SURF4: variants seen among roughly 807,000 people sequenced by gnomAD.
The protein encoded by SURF4 is surfeit locus protein 4.
A neutral mutation model predicts 30.0 loss-of-function variants in SURF4; 3 were observed. That is an observed-to-expected ratio of 0.10 (90% CI 0.05 to 0.26). SURF4 has a LOEUF of 0.26. SURF4 is among the 10% of genes least tolerant of loss of function. SURF4 has a pLI of 1.00. For synonymous variants in SURF4, 143 were observed against 139.9 expected, an observed-to-expected ratio of 1.02 and a Z score of -0.16; for missense variants, 217 against 350.8, an observed-to-expected ratio of 0.62 and a Z score of 3.05.
rs71824689 is a variant in SURF4, at chr9:133,373,909, C to CAAAAAAAAAAAAAA, written c.48+1999_48+2012dup. On this transcript the variant is annotated intron_variant, in intron 1 of 5. Transcript: ENST00000371989. ...CTCCAGCCTGAGCGAAATTCTGTCT[C>CAAAAAAAAAAAAAA]AAAAAAAAAAAAAAAAAAAAAAAAA... is the stretch of plus-strand genomic sequence containing the variant. Among the ~76,000 whole-genome samples, 178 of 47,546 alleles carry CAAAAAAAAAAAAAA rather than the reference C, an allele frequency of 3.7e-3. 9 individuals are homozygous for CAAAAAAAAAAAAAA. The highest frequency in any genetic ancestry group is 6.2e-3 in the Non-Finnish European group (128 of 20,646). 31.2% of individuals were successfully genotyped at this position (47,546 alleles called of 152,430 possible).
Position 133,362,100 on chromosome 9 carries a change from T to C in SURF4, c.*1393A>G, listed in dbSNP as rs1376088412. The C allele has an allele frequency of 1.3e-5, 2 of 152,218 alleles. No homozygotes were observed. The highest frequency in any genetic ancestry group is 2.9e-5 in the Non-Finnish European group (2 of 68,046). 9.4% of individuals were successfully genotyped at this position (152,218 alleles called of 1,614,324 possible). On this transcript the variant is annotated 3_prime_UTR_variant, in exon 6 of 6. Transcript: ENST00000371989. ...AAAGGTAGGTGACTTCCAAAAGCAC[T>C]TATGAGCAGAAACCTGCCTCACCCC... is the stretch of plus-strand genomic sequence containing the variant.
Position 133,361,521 on chromosome 9 carries a change from C to A in SURF4, c.*1972G>T. 1 of 171,650 alleles carries A rather than the reference C, an allele frequency of 5.8e-6. No individual in the cohort carries two copies. Among genetic ancestry groups the A allele is most frequent in the Non-Finnish European group, 1.3e-5 (1 of 78,724 alleles). The allele number at this position is 171,650 out of a possible 1,614,324, so 10.6% of individuals were successfully genotyped here. On this transcript the variant is annotated 3_prime_UTR_variant, in exon 6 of 6. Transcript: ENST00000371989. ...TTCCAAAAATCAAAACGTTTTCAAA[C>A]ACAACTAAGATATAAAATACAGCAT...
chr9:133,370,796 C>T (rs56343119), intron 1 of SURF4: 1 of 1,097,908 alleles, frequency 9.1e-7, no homozygotes, highest in Non-Finnish European at 1.2e-6. Context: ...CCCCTCCCCC[C>T]CATTAGAGAA....
intron 1 of SURF4, chr9:133,372,481 C>G (rs1381816720): frequency 1.6e-6 from 1 of 617,914 alleles, no homozygotes. Flanking sequence ...CTCCTACAGT[C>G]AAGAAGTTCA....
Position 133,376,006 on chromosome 9 carries a change from G to C in SURF4, c.-37C>G, listed in dbSNP as rs1837900211. 2 of 1,219,974 alleles carry C rather than the reference G, an allele frequency of 1.6e-6. No individual in the cohort carries two copies. Among genetic ancestry groups the C allele is most frequent in the Non-Finnish European group, 2.0e-6 (2 of 978,748 alleles). The allele number at this position is 1,219,974 out of a possible 1,614,324, so 75.6% of individuals were successfully genotyped here. On this transcript the variant is annotated 5_prime_UTR_variant, in exon 1 of 6. Transcript: ENST00000371989. ...GAGGCTCGGCTCGGCTCGCTCGCTC[G>C]CTCGCTGGCTCTCGCCCGTCGGCGC...
At chr9:133,376,305 G>A (rs1392043269), upstream of SURF4, 1 of 1,340,248 alleles carries the variant, frequency 7.5e-7, no homozygotes, top group Non-Finnish European at 9.5e-7. Context: ...CCGGCGGAAC[G>A]CGTCCCTTTT....
chr9:133,369,854 C>G (rs2130173595), intron 1 of SURF4, among the ~76,000 whole-genome samples: 5 of 152,198 alleles, frequency 3.3e-5, no homozygotes, highest in Non-Finnish European at 7.3e-5. Context: ...TGGGGAAAAG[C>G]AACCACTGGG....
chr9:133,364,037 A>C, intron 5 of SURF4: 1 of 676,952 alleles, frequency 1.5e-6, no homozygotes. Flanking sequence ...ATCCATAACT[A>C]AATTCCCAAG....
At position 133,361,654 on chromosome 9, in the gene SURF4, T is replaced by C. The variant is rs1431450804; in HGVS notation, c.*1839A>G. On this transcript the variant is annotated 3_prime_UTR_variant, in exon 6 of 6. Transcript: ENST00000371989. ...TTATCCTCCCCTCCCTGCAAAGGCATCTTCCCGAATCAGGCCCTAGCCCAC... is the reference window on the plus strand; with the variant it reads ...TTATCCTCCCCTCCCTGCAAAGGCACCTTCCCGAATCAGGCCCTAGCCCAC... 6.4e-6 allele frequency: 1 copy of C among 155,680 alleles called. No homozygotes were observed. Among genetic ancestry groups the C allele is most frequent in the Non-Finnish European group, 1.4e-5 (1 of 70,274 alleles). The allele number at this position is 155,680 out of a possible 1,614,324, so 9.6% of individuals were successfully genotyped here.
rs145124353 is a variant in SURF4 at position 133,364,429 on chromosome 9, G to A, written c.543+411C>T. Among the ~76,000 whole-genome samples, 443 of 152,278 alleles carry A rather than the reference G, an allele frequency of 2.9e-3. 3 individuals are homozygous for A. Among genetic ancestry groups the A allele is most frequent in the Non-Finnish European group, 4.6e-3 (310 of 68,026 alleles). ...TGCTCCGCCGAGCACGGTGGCTCACGCCTGTAATCCCAGCAATTTGGGAGG... is the reference window on the plus strand; with the variant it reads ...TGCTCCGCCGAGCACGGTGGCTCACACCTGTAATCCCAGCAATTTGGGAGG... On this transcript the variant is annotated intron_variant, in intron 5 of 5. Coordinates refer to ENST00000371989, the MANE Select transcript of SURF4 (RefSeq NM_033161.4).
chr9:133,376,352 C>T, upstream of SURF4: 2 of 1,380,636 alleles, frequency 1.4e-6, no homozygotes, highest in South Asian at 1.5e-5. Context: ...GGCCAGCGCG[C>T]GGGAGGGACG....
In SURF4 at chr9:133,363,571, C is replaced by T. The variant is rs2130088462; in HGVS notation, c.732G>A (p.Ser244=). 28 of 1,614,170 alleles carry T rather than the reference C, an allele frequency of 1.7e-5. No homozygotes were observed. In the South Asian group the frequency reaches 2.5e-4, roughly 15 times the overall value. The change falls in exon 6 of 6, where the codon TCG becomes TCA. Residue 244 remains serine, a synonymous_variant. Coordinates refer to ENST00000371989, the MANE Select transcript of SURF4 (RefSeq NM_033161.4). The surrounding 1 kb of genome is among the most constrained non-coding windows in gnomAD (Gnocchi z 4.3). ...FLKYDFFQTM[S]VIGGLLLVVA... ...CCACCAGGAGCAAGCCCCCAATCAC[C>T]GACATGGTCTGGAAGAAGTCGTATT...
intron 1 of SURF4, among the ~76,000 whole-genome samples, chr9:133,373,052 C>T (rs1479659981): frequency 6.6e-6 from 1 of 152,232 alleles, no homozygotes; most frequent in African/African-American, 2.4e-5. Context: ...GGTCCTAACC[C>T]ACTTGGGTTT....
chr9:133,366,043 G>T lies in SURF4; in HGVS notation c.313-15C>A, dbSNP rs2130122845. The T allele has an allele frequency of 2.5e-6, 4 of 1,613,434 alleles. No homozygotes were observed. The highest frequency in any genetic ancestry group is 3.3e-5 in the Admixed American group (2 of 60,002). On this transcript the variant is annotated splice_polypyrimidine_tract_variant and intron_variant, in intron 3 of 5. Transcript: ENST00000371989. Reference sequence around the variant, plus strand: ...TAGGCAATCGTCTGAGGGGAAAGAAGAGAGAGATACTTGAGTCTCAGCCTT... The same window carrying T: ...TAGGCAATCGTCTGAGGGGAAAGAATAGAGAGATACTTGAGTCTCAGCCTT...
Position 133,363,888 on chromosome 9 carries a change from G to T in SURF4, c.544-129C>A. 1 of 1,177,006 alleles carries T rather than the reference G, an allele frequency of 8.5e-7. No individual in the cohort carries two copies. Among genetic ancestry groups the T allele is most frequent in the Non-Finnish European group, 1.2e-6 (1 of 802,320 alleles). The allele number at this position is 1,177,006 out of a possible 1,614,324, so 72.9% of individuals were successfully genotyped here. On this transcript the variant is annotated intron_variant, in intron 5 of 5. Coordinates refer to ENST00000371989, the MANE Select transcript of SURF4 (RefSeq NM_033161.4). The surrounding 1 kb of genome is among the most constrained non-coding windows in gnomAD (Gnocchi z 4.3). ...AGGCTGATGTAGCTACTGCTGAGAC[G>T]GCTGCTGGTGCAAGTAGGGAGATAA...
upstream of SURF4, among the ~76,000 whole-genome samples, chr9:133,376,832 C>G (rs2130251722): frequency 1.3e-5 from 2 of 152,312 alleles, no homozygotes; most frequent in South Asian, 2.1e-4. Flanking sequence ...TCCTTCGTGC[C>G]TGGGGTCTGT....
At chr9:133,369,208 G>A (rs949946216) in intron 1 of SURF4, among the ~76,000 whole-genome samples, 3 of 152,190 alleles carry the variant, frequency 2.0e-5, no homozygotes, top group Non-Finnish European at 4.4e-5. Flanking sequence ...ACTGCGCCCT[G>A]CAGTGTCAGT....
intron 1 of SURF4, chr9:133,372,592 C>G: frequency 1.0e-6 from 1 of 985,456 alleles, no homozygotes; most frequent in Non-Finnish European, 1.2e-6. Flanking sequence ...TTACTTAGGT[C>G]TTGCTTTCAG....
chr9:133,367,116 C>G, intron 2 of SURF4, 143 bp downstream of exon 2: 1 of 1,138,916 alleles, frequency 8.8e-7, no homozygotes, highest in East Asian at 2.6e-5. Context: ...GACTCCTGGC[C>G]TGGCACAGCT....
Sources: gnomAD v4.1 joint callset for allele counts (sites outside exome capture counted in the v4.1 genomes callset) on GRCh38, gnomAD v4.1.1 for gene constraint, Gnocchi (gnomAD v3.1) non-coding constraint, MANE v1.5 for transcripts, NCBI Gene and HGNC (gene_info 2026-07-23, HGNC 2026-07-21) for gene names.